MYH15: variants seen among roughly 807,000 people sequenced by gnomAD.
The protein encoded by MYH15 is myosin-15.
A neutral mutation model predicts 240.5 loss-of-function variants in MYH15; 227 were observed. That is an observed-to-expected ratio of 0.94 (90% CI 0.85 to 1.05). The LOEUF (loss-of-function observed/expected upper bound fraction) is 1.05. Among genes scored for constraint, MYH15 ranks in the 50% least tolerant of loss-of-function variants. The probability of loss-of-function intolerance (pLI) is 0.00; values close to 1 mark genes in which losing one functional copy is unlikely to be tolerated. For missense variants in MYH15, 2,217 were observed against 2,247.5 expected, an observed-to-expected ratio of 0.99 and a Z score of 0.27; for synonymous variants, 785 against 796.7, an observed-to-expected ratio of 0.99 and a Z score of 0.25.
intron 10 of MYH15, 31 bp downstream of exon 10, chr3:108,486,392 A>G (rs2083306344): frequency 6.5e-7 from 1 of 1,533,180 alleles, no homozygotes; most frequent in Admixed American, 1.7e-5. Flanking sequence ...TGCCATTACC[A>G]GATTTTGCTT....
the MYH15 span, among the ~76,000 whole-genome samples, chr3:108,545,362 G>T: frequency 2.0e-5 from 3 of 152,022 alleles, no homozygotes; most frequent in Non-Finnish European, 4.4e-5. Context: ...AAGAGAAAGA[G>T]GAAACCAAGG....
At chr3:108,393,880 G>T in intron 36 of MYH15, 151 bp downstream of exon 36, 1 of 1,136,546 alleles carries the variant, frequency 8.8e-7, no homozygotes, top group Non-Finnish European at 1.2e-6. Context: ...TTCAAGATGA[G>T]AACAGGGAGG....
At chr3:108,423,968 T>C (rs1379051395) in intron 27 of MYH15, among the ~76,000 whole-genome samples, 1 of 152,250 alleles carries the variant, frequency 6.6e-6, no homozygotes, top group East Asian at 1.9e-4. Context: ...ACCATTTTTA[T>C]TTTATGATGT....
intron 3 of MYH15, 46 bp downstream of exon 3, chr3:108,501,666 A>C: frequency 6.2e-7 from 1 of 1,610,638 alleles, no homozygotes; most frequent in Non-Finnish European, 8.5e-7. Flanking sequence ...GGGACATGCA[A>C]TGTGACTGCC....
At chr3:108,465,644 AAAAC>A (rs1327204273) in intron 14 of MYH15, among the ~76,000 whole-genome samples, 14 of 152,202 alleles carry the variant, frequency 9.2e-5, no homozygotes, top group Admixed American at 7.9e-4. Context: ...AGAGTTTTAA[AAAAC>A]AAACAGATTG....
the MYH15 span, among the ~76,000 whole-genome samples, chr3:108,549,707 T>C: frequency 6.6e-6 from 1 of 152,014 alleles, no homozygotes; most frequent in Non-Finnish European, 1.5e-5. Flanking sequence ...CCACTGGCTA[T>C]GGGACTGGAC....
At chr3:108,492,351 T>C (rs2083356486) in intron 9 of MYH15, 149 bp downstream of exon 9, 3 of 498,224 alleles carry the variant, frequency 6.0e-6, no homozygotes, top group Admixed American at 6.4e-5. Flanking sequence ...ACTAGTTCTA[T>C]AATTGATTCA....
At chr3:108,485,987 C>T (rs1486265759) in intron 10 of MYH15, among the ~76,000 whole-genome samples, 2 of 152,144 alleles carry the variant, frequency 1.3e-5, no homozygotes, top group Non-Finnish European at 1.5e-5. Context: ...TAAGTATCCA[C>T]TTAAATGTTT....
chr3:108,402,380 A>T (rs1413308459), intron 33 of MYH15, among the ~76,000 whole-genome samples: 1 of 152,208 alleles, frequency 6.6e-6, no homozygotes, highest in Non-Finnish European at 1.5e-5. Flanking sequence ...TTACAGAAGG[A>T]ACATTACTAT....
At chr3:108,475,198 G>T (rs7648034) in intron 12 of MYH15, among the ~76,000 whole-genome samples, 23,958 of 151,868 alleles carry the variant, frequency 0.16, 2,112 homozygotes, top group South Asian at 0.27. Flanking sequence ...CAGAGTTAGG[G>T]TGTATACTGA....
At chr3:108,466,111 G>C (rs774404633) in intron 14 of MYH15, among the ~76,000 whole-genome samples, 1 of 152,040 alleles carries the variant, frequency 6.6e-6, no homozygotes, top group Non-Finnish European at 1.5e-5. Context: ...CATCAAACTT[G>C]ATTTACCTAA....
chr3:108,386,033 G>A (rs1652819083), intron 38 of MYH15, among the ~76,000 whole-genome samples: 1 of 152,160 alleles, frequency 6.6e-6, no homozygotes, highest in South Asian at 2.1e-4. Context: ...AGACAAGTCT[G>A]GTTCAAATAA....
At chr3:108,522,918 T>G (rs966184783) in intron 1 of MYH15, among the ~76,000 whole-genome samples, 1 of 152,022 alleles carries the variant, frequency 6.6e-6, no homozygotes, top group African/African-American at 2.4e-5. Flanking sequence ...TCCACGCAGA[T>G]TTGCTACAGA....
Position 108,410,724 on chromosome 3 carries a change from G to A in MYH15, c.4354C>T (p.His1452Tyr). ...TCCAGCAACGCCTGGGACTCCTCGT[G>A]CTTCTGCTTCCAGTCGGCAAGGGCC... ...GKALADWKQK[H>Y]EESQALLDAS... Residue 1452 changes from histidine (H) to tyrosine (Y), a missense_variant, in exon 31 of 41, where the codon CAC (histidine) becomes TAC (tyrosine). Transcript: ENST00000693548. 1 of 1,614,132 alleles carries A rather than the reference G, an allele frequency of 6.2e-7. No homozygotes were observed. Among genetic ancestry groups the A allele is most frequent in the Non-Finnish European group, 8.5e-7 (1 of 1,180,038 alleles).
Position 108,463,026 on chromosome 3 carries a change from A to G in MYH15, c.1864+85T>C, listed in dbSNP as rs572489450. The stretch of plus-strand genomic sequence containing the variant: ...ACAGGGAGCAGAAACATATCACAGG[A>G]AAGAAGCAAGAATTTTTGCAAAAGC... On this transcript the variant is annotated intron_variant, in intron 16 of 40. Coordinates refer to ENST00000693548, the MANE Select transcript of MYH15 (RefSeq NM_014981.3). 181 of 1,457,778 alleles carry G rather than the reference A, an allele frequency of 1.2e-4. 2 individuals carry two copies. In the African/African-American group the frequency reaches 2.4e-3, roughly 19 times the overall value. The allele number at this position is 1,457,778 out of a possible 1,614,324, so 90.3% of individuals were successfully genotyped here. A position where few individuals can be genotyped will look rare whatever the true frequency, so the allele number is the denominator to read the frequency against.
chr3:108,542,609 T>A, the MYH15 span, among the ~76,000 whole-genome samples: 1 of 152,140 alleles, frequency 6.6e-6, no homozygotes, highest in South Asian at 2.1e-4. Context: ...CTTACAAAGG[T>A]AAGCATGTCA....
chr3:108,473,918 C>A (rs1229226716), intron 12 of MYH15, among the ~76,000 whole-genome samples: 2 of 152,152 alleles, frequency 1.3e-5, no homozygotes, highest in Non-Finnish European at 2.9e-5. Context: ...TACCTGGGGG[C>A]CAGGAATCCC....
At chr3:108,439,003 T>A (rs2082863733) in intron 24 of MYH15, among the ~76,000 whole-genome samples, 1 of 149,728 alleles carries the variant, frequency 6.7e-6, no homozygotes. Flanking sequence ...AACGAATAGA[T>A]AATAGAAGAA....
intron 1 of MYH15, among the ~76,000 whole-genome samples, chr3:108,527,916 A>T (rs2083684999): frequency 6.6e-6 from 1 of 152,198 alleles, no homozygotes; most frequent in African/African-American, 2.4e-5. Flanking sequence ...TATTTCTTAC[A>T]GTTTTGGAAA....
Sources: gnomAD v4.1 joint callset for allele counts (sites outside exome capture counted in the v4.1 genomes callset) on GRCh38, gnomAD v4.1.1 for gene constraint, MANE v1.5 for transcripts, NCBI Gene and HGNC (gene_info 2026-07-23, HGNC 2026-07-21) for gene names.